PYHIN1: variants seen among roughly 807,000 people sequenced by gnomAD.
PYHIN1 encodes pyrin and HIN domain family member 1, also known as pyrin and HIN domain-containing protein 1.
In PYHIN1, 32 loss-of-function variants were observed where a neutral mutation model predicts 43.7. The observed-to-expected ratio is 0.73, with a 90% CI of 0.55 to 0.98. The LOEUF is 0.98. Ranked by LOEUF, PYHIN1 falls within the 50% of genes least tolerant of loss-of-function variation. The probability of loss-of-function intolerance (pLI) is 0.00; values close to 1 mark genes in which losing one functional copy is unlikely to be tolerated. For synonymous variants in PYHIN1, 205 were observed against 203.1 expected (o/e 1.01, Z -0.08); for missense variants, 588 against 589.5 (o/e 1.00, Z 0.03).
intron 1 of PYHIN1, among the ~76,000 whole-genome samples, chr1:158,936,200 T>TCCCTCCC (rs1215168221): frequency 9.7e-6 from 1 of 103,556 alleles, no homozygotes; most frequent in African/African-American, 3.8e-5. Flanking sequence ...CCTAATGCTA[T>TCCCTCCC]CCCTCCCCCC....
chr1:158,987,439 T>G, the PYHIN1 span, among the ~76,000 whole-genome samples: 6 of 152,202 alleles, frequency 3.9e-5, no homozygotes, highest in Non-Finnish European at 8.8e-5. Context: ...TAGTTCCTTA[T>G]AAGTCCCTTA....
downstream of PYHIN1, among the ~76,000 whole-genome samples, chr1:158,980,353 T>G (rs1469428627): frequency 6.6e-6 from 1 of 152,098 alleles, no homozygotes; most frequent in African/African-American, 2.4e-5. Flanking sequence ...TAGTAGCGAT[T>G]TTTAGGGAAG....
chr1:158,983,163 G>A, the PYHIN1 span, among the ~76,000 whole-genome samples: 1 of 151,874 alleles, frequency 6.6e-6, no homozygotes, highest in African/African-American at 2.4e-5. Flanking sequence ...GCTCTGGCTA[G>A]AACTTCCAGT....
At chr1:158,974,738 G>A (rs1651150162) in intron 8 of PYHIN1, among the ~76,000 whole-genome samples, 1 of 151,938 alleles carries the variant, frequency 6.6e-6, no homozygotes, top group Admixed American at 6.6e-5. Flanking sequence ...ATAAGCCCGA[G>A]AATCACATTT....
At chr1:158,975,536 A>G (rs1557847693) in intron 8 of PYHIN1, among the ~76,000 whole-genome samples, 1 of 152,142 alleles carries the variant, frequency 6.6e-6, no homozygotes, top group Non-Finnish European at 1.5e-5. Flanking sequence ...GTCTTTAAAT[A>G]ACAATGAAAA....
chr1:158,979,808 G>A (rs1651426796), downstream of PYHIN1, among the ~76,000 whole-genome samples: 1 of 151,994 alleles, frequency 6.6e-6, no homozygotes, highest in Admixed American at 6.6e-5. Flanking sequence ...GCTGGGATTG[G>A]CATACAAATG....
At chr1:158,952,995 C>T (rs1053151749) in intron 7 of PYHIN1, among the ~76,000 whole-genome samples, 3 of 152,134 alleles carry the variant, frequency 2.0e-5, no homozygotes, top group East Asian at 3.9e-4. Context: ...GGGTGATCGA[C>T]GCACCTGGAA....
At chr1:158,958,975 T>A (rs1035360524) in intron 7 of PYHIN1, among the ~76,000 whole-genome samples, 1 of 151,630 alleles carries the variant, frequency 6.6e-6, no homozygotes, top group African/African-American at 2.4e-5. Context: ...GTTGAGCTGA[T>A]AAGTGTTGTC....
the PYHIN1 span, among the ~76,000 whole-genome samples, chr1:158,988,151 T>C: frequency 1.1e-3 from 169 of 152,288 alleles, 4 homozygotes; most frequent in East Asian, 0.031. Flanking sequence ...CATAAACTTC[T>C]GTTGTTTAGG....
chr1:158,944,820 T>C (rs1231186242), intron 6 of PYHIN1, 55 bp from the exon 7 acceptor site: 6 of 1,280,642 alleles, frequency 4.7e-6, no homozygotes, highest in Non-Finnish European at 6.3e-6. Context: ...TATTTAAAGA[T>C]GTTTTGCTTT....
At chr1:158,971,306 T>A (rs2101732046) in intron 7 of PYHIN1, among the ~76,000 whole-genome samples, 1 of 152,064 alleles carries the variant, frequency 6.6e-6, no homozygotes, top group East Asian at 1.9e-4. Flanking sequence ...TCCTTAATTA[T>A]TTTCCTTAGT....
chr1:158,973,571 G>C (rs1651068251), intron 7 of PYHIN1, 76 bp from the exon 8 acceptor site: 6 of 1,488,844 alleles, frequency 4.0e-6, no homozygotes, highest in Non-Finnish European at 5.6e-6. Context: ...ACTTATATAG[G>C]AAAATATTAA....
intron 7 of PYHIN1, among the ~76,000 whole-genome samples, chr1:158,962,043 G>A (rs1219812751): frequency 1.3e-5 from 2 of 152,212 alleles, no homozygotes; most frequent in Non-Finnish European, 2.9e-5. Context: ...GGAGCCCCCA[G>A]AGGGAGAGGA....
chr1:158,967,988 A>T (rs1052329357), intron 7 of PYHIN1, among the ~76,000 whole-genome samples: 1 of 151,964 alleles, frequency 6.6e-6, no homozygotes, highest in African/African-American at 2.4e-5. Context: ...AACTATAAAA[A>T]CCCTGGAAGA....
At chr1:158,989,497 C>T in the PYHIN1 span, among the ~76,000 whole-genome samples, 1 of 152,140 alleles carries the variant, frequency 6.6e-6, no homozygotes, top group Non-Finnish European at 1.5e-5. Context: ...TAATTATTGT[C>T]TAATTCAATA....
chr1:158,947,894 C>T, intron 7 of PYHIN1, among the ~76,000 whole-genome samples: 1 of 152,168 alleles, frequency 6.6e-6, no homozygotes, highest in East Asian at 1.9e-4. Flanking sequence ...TCCTTTGTAC[C>T]CACTTTAAGC....
At chr1:158,970,740 A>G (rs1421468058) in intron 7 of PYHIN1, among the ~76,000 whole-genome samples, 1 of 151,984 alleles carries the variant, frequency 6.6e-6, no homozygotes, top group African/African-American at 2.4e-5. Context: ...AACACTGCAT[A>G]TACTATAACA....
intron 4 of PYHIN1, among the ~76,000 whole-genome samples, chr1:158,940,611 C>A (rs930388762): frequency 6.6e-6 from 1 of 152,086 alleles, no homozygotes; most frequent in Admixed American, 6.5e-5. Flanking sequence ...AAAAAATGTT[C>A]TATATTTCTG....
At chr1:158,979,423 T>C (rs1372188516), downstream of PYHIN1, among the ~76,000 whole-genome samples, 4 of 152,204 alleles carry the variant, frequency 2.6e-5, no homozygotes, top group Non-Finnish European at 4.4e-5. Context: ...GAGTGGCTTA[T>C]TACACTTAGC....
Sources: allele counts gnomAD v4.1 joint callset (sites outside exome capture counted in the v4.1 genomes callset), GRCh38; gene constraint gnomAD v4.1.1; transcripts MANE v1.5; gene names NCBI Gene and HGNC (gene_info 2026-07-23, HGNC 2026-07-21).